NREP: variants seen among roughly 807,000 people sequenced by gnomAD.
The protein encoded by NREP is neuronal regeneration related protein.
NREP carries 5 observed loss-of-function variants against 8.6 expected under a neutral mutation model. That is an observed-to-expected ratio of 0.58 (90% confidence interval 0.30 to 1.22). NREP has a LOEUF of 1.22. Among genes scored for constraint, NREP ranks in the 50% most tolerant of loss-of-function variants. NREP has a pLI of 0.07. For synonymous variants in NREP, 27 were observed against 28.0 expected (o/e 0.96, Z 0.11); for missense variants, 86 against 82.5 (o/e 1.04, Z -0.17).
At chr5:111,813,882 A>G (rs558236721) in intron 2 of NREP, among the ~76,000 whole-genome samples, 11 of 152,062 alleles carry the variant, frequency 7.2e-5, no homozygotes, top group African/African-American at 2.7e-4. Context: ...GGTATATACT[A>G]TATTCCAGAT....
At chr5:111,820,954 G>A (rs1025939510) in intron 2 of NREP, among the ~76,000 whole-genome samples, 1 of 152,162 alleles carries the variant, frequency 6.6e-6, no homozygotes, top group Non-Finnish European at 1.5e-5. Flanking sequence ...CAGCTGTACT[G>A]TAAAAATAAC....
chr5:111,869,672 G>C (rs1018545645), intron 2 of NREP, among the ~76,000 whole-genome samples: 1 of 152,178 alleles, frequency 6.6e-6, no homozygotes, highest in African/African-American at 2.4e-5. Flanking sequence ...GGATTCTCCT[G>C]AGGAGAAGCA....
At chr5:111,798,232 G>A (rs1200761225) in intron 2 of NREP, among the ~76,000 whole-genome samples, 1 of 152,038 alleles carries the variant, frequency 6.6e-6, no homozygotes, top group East Asian at 1.9e-4. Context: ...ATTCATATAA[G>A]ATCATAGAGA....
chr5:111,772,314 TTTTG>T (rs1249716821), intron 2 of NREP, among the ~76,000 whole-genome samples: 1 of 152,198 alleles, frequency 6.6e-6, no homozygotes, highest in Non-Finnish European at 1.5e-5. Flanking sequence ...ATAGAAGGTT[TTTTG>T]TTTGTTTTAA....
chr5:111,921,753 G>A (rs566417276), intron 2 of NREP, among the ~76,000 whole-genome samples: 1 of 152,202 alleles, frequency 6.6e-6, no homozygotes, highest in African/African-American at 2.4e-5. Flanking sequence ...AACTTGAATT[G>A]TATCCCCCAG....
intron 2 of NREP, among the ~76,000 whole-genome samples, chr5:111,782,746 C>CT (rs144207125): frequency 0.043 from 6,225 of 144,802 alleles, 171 homozygotes; most frequent in East Asian, 0.068. Flanking sequence ...TTTTTTTTTT[C>CT]TTTTTTTTTT....
chr5:111,876,784 G>C (rs569404941), intron 2 of NREP, among the ~76,000 whole-genome samples: 1 of 152,228 alleles, frequency 6.6e-6, no homozygotes, highest in South Asian at 2.1e-4. Flanking sequence ...CCAGGCACTA[G>C]TCTAAGTGTT....
chr5:111,817,722 A>G (rs778421479), intron 2 of NREP, among the ~76,000 whole-genome samples: 12 of 149,126 alleles, frequency 8.0e-5, no homozygotes, highest in Non-Finnish European at 1.8e-4. Context: ...GGAGAATGGC[A>G]TGAACCCAGG....
In NREP at chr5:111,971,883, T is replaced by C. The variant is rs149565001; in HGVS notation, c.135+3391A>G. Reference sequence around the variant, plus strand: ...AAAGCGTGGGCAGCCAAAGCAAAAATAGACAAAAAAGGAGTATATCAAAAT... The same window carrying C: ...AAAGCGTGGGCAGCCAAAGCAAAAACAGACAAAAAAGGAGTATATCAAAAT... On this transcript the variant is annotated intron_variant, in intron 2 of 3. Transcript: ENST00000395634. Among the ~76,000 whole-genome samples, 53 of 148,268 alleles carry C rather than the reference T, an allele frequency of 3.6e-4. No individual in the cohort carries two copies. The East Asian group carries it at 5.4e-3, about 15-fold the overall frequency.
intron 2 of NREP, among the ~76,000 whole-genome samples, chr5:111,864,339 A>G (rs1332736422): frequency 2.0e-5 from 3 of 152,172 alleles, no homozygotes; most frequent in Non-Finnish European, 4.4e-5. Context: ...TGAGTTAAGA[A>G]GGCATGCAGT....
At chr5:111,838,288 CAAGTGTTCAA>C (rs1365147257) in intron 2 of NREP, among the ~76,000 whole-genome samples, 1 of 152,070 alleles carries the variant, frequency 6.6e-6, no homozygotes, top group Non-Finnish European at 1.5e-5. Context: ...AAGTACATTT[CAAGTGTTCAA>C]AAGTTAGTGG....
intron 2 of NREP, among the ~76,000 whole-genome samples, chr5:111,934,236 T>C (rs1755622072): frequency 6.6e-6 from 1 of 152,000 alleles, no homozygotes; most frequent in South Asian, 2.1e-4. Context: ...ATTGCGGGCA[T>C]ACGTTGGGTT....
upstream of NREP, among the ~76,000 whole-genome samples, chr5:111,760,416 G>A (rs377585195): frequency 6.6e-4 from 101 of 152,292 alleles, 1 homozygote; most frequent in African/African-American, 2.4e-3. Context: ...CAGGATTTTC[G>A]TAGGGAGGAG....
intron 2 of NREP, among the ~76,000 whole-genome samples, chr5:111,883,565 A>G (rs1448475560): frequency 1.3e-5 from 2 of 152,192 alleles, no homozygotes; most frequent in Admixed American, 1.3e-4. Flanking sequence ...TTGACCACAT[A>G]CTTGGAAGTA....
intron 2 of NREP, among the ~76,000 whole-genome samples, chr5:111,755,052 G>T (rs532156639): frequency 8.9e-4 from 136 of 152,090 alleles, no homozygotes; most frequent in Middle Eastern, 3.4e-3. Flanking sequence ...TTCCAAAGAG[G>T]AAATTTTTCA....
chr5:111,806,670 CCT>C (rs1177637985), intron 2 of NREP, among the ~76,000 whole-genome samples: 10 of 152,052 alleles, frequency 6.6e-5, no homozygotes, highest in Non-Finnish European at 1.3e-4. Context: ...CCTTTCTAGC[CCT>C]GACTGTTTAG....
At chr5:111,952,183 G>A (rs1456120359) in intron 2 of NREP, among the ~76,000 whole-genome samples, 3 of 152,102 alleles carry the variant, frequency 2.0e-5, no homozygotes, top group Non-Finnish European at 2.9e-5. Flanking sequence ...AGAAATGAGA[G>A]GAAAGAAGCC....
chr5:111,890,910 G>A lies in NREP; in HGVS notation c.135+84364C>T, dbSNP rs561876713. On this transcript the variant is annotated intron_variant, in intron 2 of 3. Transcript: ENST00000395634. ...TTGAGGCCTTTTTCCCATTATCTTG[G>A]CTATCAGCACTTGCCTCCTTTTTAA... Among the ~76,000 whole-genome samples the A allele has an allele frequency of 2.0e-5, 3 of 152,276 alleles. 1 individual carries two copies. The South Asian group carries it at 6.2e-4, about 32-fold the overall frequency.
intron 2 of NREP, among the ~76,000 whole-genome samples, chr5:111,925,404 C>G (rs770587504): frequency 3.3e-5 from 5 of 152,122 alleles, no homozygotes; most frequent in Non-Finnish European, 5.9e-5. Context: ...ATTAGTGGAT[C>G]CTGTACTTTA....
Sources: gnomAD v4.1 joint callset for allele counts (sites outside exome capture counted in the v4.1 genomes callset) on GRCh38, gnomAD v4.1.1 for gene constraint, MANE v1.5 for transcripts, NCBI Gene and HGNC (gene_info 2026-07-23, HGNC 2026-07-21) for gene names.